The following RTBDN variants were observed in gnomAD, a reference collection of about 807,000 sequenced individuals.
RTBDN encodes the protein retbindin.
A neutral mutation model predicts 21.9 loss-of-function variants in RTBDN; 24 were observed. The observed-to-expected ratio is 1.10, with a 90% CI of 0.79 to 1.54. RTBDN has a LOEUF of 1.54. Among genes scored for constraint, RTBDN ranks in the 40% most tolerant of loss-of-function variants. The probability of loss-of-function intolerance (pLI) is 0.00; values close to 1 mark genes in which losing one functional copy is unlikely to be tolerated. For missense variants in RTBDN, 325 were observed against 315.2 expected (o/e 1.03, Z -0.23); for synonymous variants, 141 against 125.9 (o/e 1.12, Z -0.80).
rs1969549738 is a variant in RTBDN, at chr19:12,830,963, T to A, written c.-18-966A>T. ...TGGCTGTGTGTGTGTTGAGCATGTATGTGTGTTTTTGTTGTATGAGGTTAT... is the reference window on the plus strand; with the variant it reads ...TGGCTGTGTGTGTGTTGAGCATGTAAGTGTGTTTTTGTTGTATGAGGTTAT... On this transcript the variant is annotated intron_variant, in intron 1 of 5. Transcript: ENST00000674343. This position sits in a 1 kb window ranked among gnomAD's most constrained non-coding sequence, Gnocchi z 4.2. 6.6e-6 allele frequency among the ~76,000 whole-genome samples: 1 copy of A among 151,350 alleles called. No individual in the cohort carries two copies. Among genetic ancestry groups the A allele is most frequent in the Non-Finnish European group, 1.5e-5 (1 of 67,820 alleles).
rs536583623 is a variant in RTBDN, at chr19:12,830,926, C to A, written c.-18-929G>T. ...TGTGTGTGTTCCCAGGCACCTGTGTCTTTTGTTTGTGTGGCTGTGTGTGTG... is the reference window on the plus strand; with the variant it reads ...TGTGTGTGTTCCCAGGCACCTGTGTATTTTGTTTGTGTGGCTGTGTGTGTG... On this transcript the variant is annotated intron_variant, in intron 1 of 5. Coordinates refer to ENST00000674343, the MANE Select transcript of RTBDN (RefSeq NM_001270441.2). This position sits in a 1 kb window ranked among gnomAD's most constrained non-coding sequence, Gnocchi z 4.2. Among the ~76,000 whole-genome samples the A allele has an allele frequency of 6.3e-5, 9 of 143,784 alleles. No homozygotes were observed. The highest frequency in any genetic ancestry group is 2.4e-4 in the African/African-American group (9 of 38,242). The allele number at this position is 143,784 out of a possible 152,430, so 94.3% of individuals were successfully genotyped here. A position where few individuals can be genotyped will look rare whatever the true frequency, so the allele number is the denominator to read the frequency against.
Position 12,825,869 on chromosome 19 carries a change from G to A in RTBDN, c.527C>T (p.Pro176Leu). 1 of 1,613,392 alleles carries A rather than the reference G, an allele frequency of 6.2e-7. No homozygotes were observed. The highest frequency in any genetic ancestry group is 8.5e-7 in the Non-Finnish European group (1 of 1,179,750). Residue 176 changes from proline to leucine, a missense_variant, in exon 6 of 6, where the codon CCT becomes CTT. Pro to Leu is a moderately conservative substitution (Grantham distance 98, BLOSUM62 -3). Coordinates refer to ENST00000674343, the MANE Select transcript of RTBDN (RefSeq NM_001270441.2). Reference protein sequence around the residue: ...ALGHALPVAAPGARHCFNISI... With the variant: ...ALGHALPVAALGARHCFNISI... ...GATGTTGAAGCAGTGACGGGCTCCAGGAGCAGCCACCGGTAGGGCGTGGCC... is the reference window on the plus strand; with the variant it reads ...GATGTTGAAGCAGTGACGGGCTCCAAGAGCAGCCACCGGTAGGGCGTGGCC...
rs1969671212 is a variant in RTBDN, at chr19:12,834,006, G to C, written c.-19+483C>G. The C allele has an allele frequency of 2.5e-6, 1 of 398,472 alleles. No homozygotes were observed. The highest frequency in any genetic ancestry group is 4.4e-6 in the Non-Finnish European group (1 of 225,828). The allele number at this position is 398,472 out of a possible 1,614,324, so 24.7% of individuals were successfully genotyped here. A position where few individuals can be genotyped will look rare whatever the true frequency, so the allele number is the denominator to read the frequency against. Reference sequence around the variant, plus strand: ...GCCTCATCCGCCGCCGGAGGCTGCAGGTACGCGGCTGCCTGGGCCCCGGGT... The same window carrying C: ...GCCTCATCCGCCGCCGGAGGCTGCACGTACGCGGCTGCCTGGGCCCCGGGT... On this transcript the variant is annotated intron_variant, in intron 1 of 5. Transcript: ENST00000674343. The surrounding 1 kb of genome is among the most constrained non-coding windows in gnomAD (Gnocchi z 4.7).
At chr19:12,829,097 G>T in intron 2 of RTBDN, 144 bp from the exon 3 acceptor site, 2 of 1,313,786 alleles carry the variant, frequency 1.5e-6, no homozygotes, top group Non-Finnish European at 1.0e-6. Flanking sequence ...CCTTTGGAAT[G>T]CAAATGCAGC....
In RTBDN at chr19:12,834,508, C is replaced by A. The variant is rs947217684; in HGVS notation, c.-38G>T. ...ACGCACCTGCCTGGCCATCAGGATT[C>A]TTCCTACTGCCCTAATTGGACAGGC... On this transcript the variant is annotated 5_prime_UTR_variant, in exon 1 of 6. Coordinates refer to ENST00000674343, the MANE Select transcript of RTBDN (RefSeq NM_001270441.2). The surrounding 1 kb of genome is among the most constrained non-coding windows in gnomAD (Gnocchi z 4.7). The A allele has an allele frequency of 2.0e-6, 3 of 1,535,454 alleles. No individual in the cohort carries two copies. In the African/African-American group the frequency reaches 4.1e-5, roughly 21 times the overall value.
chr19:12,825,722 C>T lies in RTBDN; in HGVS notation c.674G>A (p.Ser225Asn), dbSNP rs747897365. ...DAAGSGSGSG[S>N]GSGP ...ACGCGTCCGCTAGGGGCCGCTGCCG[C>T]TTCCACTGCCACTCCCGCTGCCCGC... Residue 225 changes from serine (S) to asparagine (N), a missense_variant, in exon 6 of 6, where the codon AGC (serine) becomes AAC (asparagine). Ser to Asn is a conservative substitution (Grantham distance 46). Transcript: ENST00000674343. The T allele has an allele frequency of 1.9e-6, 3 of 1,582,846 alleles. No homozygotes were observed. In the East Asian group the frequency reaches 7.0e-5, roughly 37 times the overall value.
chr19:12,827,301 G>C (rs116015015), intron 4 of RTBDN, among the ~76,000 whole-genome samples: 2 of 150,000 alleles, frequency 1.3e-5, no homozygotes, highest in African/African-American at 4.9e-5. Flanking sequence ...CTATAGGTGC[G>C]CACCATCATG....
Position 12,828,838 on chromosome 19 carries a change from G to T in RTBDN, c.254+31C>A, listed in dbSNP as rs139077102. 52 of 1,614,042 alleles carry T rather than the reference G, an allele frequency of 3.2e-5. 1 individual carries two copies. The South Asian group carries it at 4.9e-4, about 15-fold the overall frequency. On this transcript the variant is annotated intron_variant, in intron 3 of 5. Coordinates refer to ENST00000674343, the MANE Select transcript of RTBDN (RefSeq NM_001270441.2). ...AGTTCCTGGGCAATGGGCAAAGTAC[G>T]CGAGAAAACGGTGGAGGGTGCTGTA...
intron 3 of RTBDN, 32 bp downstream of exon 3, chr19:12,828,837 C>T (rs375513279): frequency 3.0e-5 from 49 of 1,613,962 alleles, no homozygotes; most frequent in Admixed American, 3.0e-4. Context: ...GGGCAAAGTA[C>T]GCGAGAAAAC....
At position 12,828,879 on chromosome 19, in the gene RTBDN, G is replaced by A. The variant is rs1349309256; in HGVS notation, c.244C>T (p.Pro82Ser). 6 of 1,614,074 alleles carry A rather than the reference G, an allele frequency of 3.7e-6. No homozygotes were observed. Among genetic ancestry groups the A allele is most frequent in the Non-Finnish European group, 4.2e-6 (5 of 1,180,046 alleles). The change falls in exon 3 of 6, where the codon CCG becomes TCG. Residue 82 changes from proline to serine, a missense_variant. Coordinates refer to ENST00000674343, the MANE Select transcript of RTBDN (RefSeq NM_001270441.2). ...GGGTGCTGTACTCACTCAGGGCTCG[G>A]CACTCCACAGCGTTCTGGATGGTTT... is the stretch of plus-strand genomic sequence containing the variant. ...PGNHPERCGV[P>S]SPECESFLEH...
At position 12,830,088 on chromosome 19, in the gene RTBDN, G is replaced by A; in HGVS notation, c.-18-91C>T. 6.9e-7 allele frequency: 1 copy of A among 1,443,926 alleles called. No individual in the cohort carries two copies. Among genetic ancestry groups the A allele is most frequent in the Admixed American group, 2.0e-5 (1 of 49,726 alleles). 89.4% of individuals were successfully genotyped at this position (1,443,926 alleles called of 1,614,324 possible). On this transcript the variant is annotated intron_variant, in intron 1 of 5. Transcript: ENST00000674343. The surrounding 1 kb of genome is among the most constrained non-coding windows in gnomAD (Gnocchi z 4.2). The stretch of plus-strand genomic sequence containing the variant: ...CATACCCAAGAAGCAGTGCCAGGCA[G>A]AGTAGGGAAAGTGCAGCTGAGGAGG...
At chr19:12,833,854 C>T (rs1166141875) in intron 1 of RTBDN, 2 of 367,104 alleles carry the variant, frequency 5.4e-6, no homozygotes, top group Non-Finnish European at 9.7e-6. Flanking sequence ...CCCTCAGCCG[C>T]CGCCGCCGCC....
rs1193567057 is a variant in RTBDN at position 12,830,090 on chromosome 19, G to A, written c.-18-93C>T. The stretch of plus-strand genomic sequence containing the variant: ...TACCCAAGAAGCAGTGCCAGGCAGA[G>A]TAGGGAAAGTGCAGCTGAGGAGGAG... On this transcript the variant is annotated intron_variant, in intron 1 of 5. Coordinates refer to ENST00000674343, the MANE Select transcript of RTBDN (RefSeq NM_001270441.2). The surrounding 1 kb of genome is among the most constrained non-coding windows in gnomAD (Gnocchi z 4.2). 2.1e-6 allele frequency: 3 copies of A among 1,429,092 alleles called. No individual in the cohort carries two copies. Among genetic ancestry groups the A allele is most frequent in the Non-Finnish European group, 2.8e-6 (3 of 1,053,832 alleles). 88.5% of individuals were successfully genotyped at this position (1,429,092 alleles called of 1,614,324 possible).
chr19:12,829,384 T>G (rs892065800), intron 2 of RTBDN, among the ~76,000 whole-genome samples: 5 of 152,072 alleles, frequency 3.3e-5, no homozygotes, highest in African/African-American at 1.2e-4. Flanking sequence ...GTATTATTAG[T>G]AGAGACAGGG....
chr19:12,834,843 G>T (rs750783736), upstream of RTBDN: 7 of 1,614,084 alleles, frequency 4.3e-6, no homozygotes, highest in Non-Finnish European at 8.5e-7. This position sits in a 1 kb window ranked among gnomAD's most constrained non-coding sequence, Gnocchi z 4.7. Context: ...CTTCAGCTGC[G>T]TTTCTGAGGG....
chr19:12,825,994 C>T (rs1858089417), intron 5 of RTBDN, 61 bp from the exon 6 acceptor site: 3 of 1,473,858 alleles, frequency 2.0e-6, no homozygotes, highest in African/African-American at 1.4e-5. Flanking sequence ...GGGGCGTGGC[C>T]TCGGGAAGGG....
upstream of RTBDN, chr19:12,835,415 G>C: frequency 2.8e-6 from 1 of 352,172 alleles, no homozygotes; most frequent in Non-Finnish European, 5.3e-6. Context: ...TTGGGTCCGC[G>C]CCGTCGGGTT....
intron 1 of RTBDN, chr19:12,833,920 G>T (rs1969668867): frequency 4.1e-6 from 1 of 245,126 alleles, no homozygotes; most frequent in Non-Finnish European, 7.7e-6. Context: ...TCCCGCCGCC[G>T]CTACCTCCCT....
At chr19:12,826,285 C>T in intron 5 of RTBDN, 4 of 1,221,326 alleles carry the variant, frequency 3.3e-6, no homozygotes, top group Non-Finnish European at 4.1e-6. Context: ...ATCTGGACTT[C>T]GAGAGCTTTT....
Sources: gnomAD v4.1 joint callset for allele counts (sites outside exome capture counted in the v4.1 genomes callset) on GRCh38, gnomAD v4.1.1 for gene constraint, Gnocchi (gnomAD v3.1) non-coding constraint, MANE v1.5 for transcripts, NCBI Gene and HGNC (gene_info 2026-07-23, HGNC 2026-07-21) for gene names.